Variants in PRDM5 observed in about 807,000 individuals in gnomAD.
PRDM5 encodes PR domain zinc finger protein 5.
Under a neutral mutation model 81.2 loss-of-function variants are expected in PRDM5, and 56 were observed. The observed-to-expected ratio is 0.69, with a 90% CI of 0.56 to 0.86. PRDM5 has a LOEUF of 0.86. Ranked by LOEUF, PRDM5 falls within the 40% of genes least tolerant of loss-of-function variation. The pLI is 0.00. For missense variants in PRDM5, 697 were observed against 770.1 expected (o/e 0.91, Z 1.12); for synonymous variants, 267 against 256.4 (o/e 1.04, Z -0.39).
Position 120,781,320 on chromosome 4 carries a change from A to G in PRDM5, c.1283-17T>C. The stretch of plus-strand genomic sequence containing the variant: ...TCCTCTCACCTTAGAAACAAAGAGA[A>G]ACATTTAAGAAGCAATAGCAGGGTC... On this transcript the variant is annotated splice_polypyrimidine_tract_variant and intron_variant, in intron 11 of 15. Transcript: ENST00000264808. 6.2e-7 allele frequency: 1 copy of G among 1,609,366 alleles called. No homozygotes were observed. The highest frequency in any genetic ancestry group is 8.5e-7 in the Non-Finnish European group (1 of 1,176,382).
At chr4:120,820,119 C>A (rs978086422) in intron 4 of PRDM5, among the ~76,000 whole-genome samples, 16 of 152,278 alleles carry the variant, frequency 1.1e-4, no homozygotes, top group Admixed American at 3.3e-4. Flanking sequence ...AAACTGAAAC[C>A]GCAATGGAAT....
In PRDM5 at chr4:120,885,166, A is replaced by G. The variant is rs1266874656; in HGVS notation, c.177+22308T>C. Among the ~76,000 whole-genome samples, 6 of 148,992 alleles carry G rather than the reference A, an allele frequency of 4.0e-5. No individual in the cohort carries two copies. The South Asian group carries it at 6.3e-4, about 16-fold the overall frequency. On this transcript the variant is annotated intron_variant, in intron 2 of 15. Transcript: ENST00000264808. Reference sequence around the variant, plus strand: ...AAAAAAAAAAAAAAAAGTAAAAAAGAAAAGAAAAGACATACGACACATTAC... The same window carrying G: ...AAAAAAAAAAAAAAAAGTAAAAAAGGAAAGAAAAGACATACGACACATTAC...
chr4:120,860,922 A>G (rs1485725913), intron 2 of PRDM5, among the ~76,000 whole-genome samples: 1 of 152,226 alleles, frequency 6.6e-6, no homozygotes, highest in East Asian at 1.9e-4. Context: ...AAATCCTGTT[A>G]AAGTTTTATG....
At chr4:120,789,836 A>G (rs1018170065) in intron 10 of PRDM5, among the ~76,000 whole-genome samples, 2 of 152,194 alleles carry the variant, frequency 1.3e-5, no homozygotes, top group Admixed American at 1.3e-4. Context: ...CACTCCACAT[A>G]GAGAAGTTAA....
intron 2 of PRDM5, among the ~76,000 whole-genome samples, chr4:120,891,625 T>C (rs1257305520): frequency 6.6e-6 from 1 of 152,122 alleles, no homozygotes; most frequent in Non-Finnish European, 1.5e-5. Context: ...TGATGTTAGG[T>C]TGTTCATTTG....
At chr4:120,751,610 T>C (rs1744016514) in intron 14 of PRDM5, among the ~76,000 whole-genome samples, 2 of 152,108 alleles carry the variant, frequency 1.3e-5, no homozygotes, top group African/African-American at 2.4e-5. Flanking sequence ...CAGTAGAAGC[T>C]GAAAACCAAA....
At chr4:120,736,231 G>A (rs980390389) in intron 14 of PRDM5, among the ~76,000 whole-genome samples, 16 of 151,190 alleles carry the variant, frequency 1.1e-4, no homozygotes, top group African/African-American at 3.4e-4. Flanking sequence ...GTGTGTGTGT[G>A]TGTGTGTGTA....
intron 2 of PRDM5, among the ~76,000 whole-genome samples, chr4:120,883,345 T>C (rs1489039001): frequency 1.3e-5 from 2 of 152,154 alleles, no homozygotes; most frequent in Admixed American, 1.3e-4. Flanking sequence ...TCTAAAAACA[T>C]AGGAAACCTG....
intron 13 of PRDM5, among the ~76,000 whole-genome samples, chr4:120,759,842 C>T (rs1745335940): frequency 6.6e-6 from 1 of 152,126 alleles, no homozygotes. Context: ...ATTAATTAAT[C>T]TGAAAATTAG....
chr4:120,897,003 T>C (rs955637094), intron 2 of PRDM5: 1 of 151,730 alleles, frequency 6.6e-6, no homozygotes, highest in Non-Finnish European at 1.5e-5. Context: ...TTTTTTTTTT[T>C]TTTTCCTCCT....
chr4:120,860,259 G>T (rs867728653), intron 2 of PRDM5, among the ~76,000 whole-genome samples: 1 of 152,146 alleles, frequency 6.6e-6, no homozygotes, highest in Non-Finnish European at 1.5e-5. Context: ...CTCATATAGT[G>T]TGTCTTTTCT....
At chr4:120,809,878 A>T (rs1753582579) in intron 8 of PRDM5, among the ~76,000 whole-genome samples, 1 of 152,190 alleles carries the variant, frequency 6.6e-6, no homozygotes, top group Non-Finnish European at 1.5e-5. Flanking sequence ...AAGACCACTC[A>T]GGAGGCATGA....
intron 2 of PRDM5, among the ~76,000 whole-genome samples, chr4:120,868,592 T>TGA (rs1761454968): frequency 1.3e-5 from 2 of 152,302 alleles, no homozygotes; most frequent in Admixed American, 1.3e-4. Context: ...AGTAGAATGA[T>TGA]GACAGGTCCT....
intron 2 of PRDM5, among the ~76,000 whole-genome samples, chr4:120,872,150 CA>C (rs70948365): frequency 7.5e-3 from 315 of 41,800 alleles, no homozygotes; most frequent in African/African-American, 0.013. Context: ...GACTCCATCT[CA>C]AAAAAAAAAA....
chr4:120,784,529 A>C (rs1019091277), intron 11 of PRDM5, among the ~76,000 whole-genome samples: 4 of 152,220 alleles, frequency 2.6e-5, no homozygotes, highest in Non-Finnish European at 5.9e-5. Flanking sequence ...GAGCCTCAAT[A>C]TTTTGTATCC....
intron 3 of PRDM5, among the ~76,000 whole-genome samples, chr4:120,830,645 T>C (rs1756603350): frequency 6.6e-6 from 1 of 151,918 alleles, no homozygotes; most frequent in African/African-American, 2.4e-5. Flanking sequence ...AGGCAGAAAA[T>C]GACAGATGTA....
downstream of PRDM5, among the ~76,000 whole-genome samples, chr4:120,690,394 G>C (rs538411800): frequency 2.8e-4 from 43 of 152,250 alleles, no homozygotes; most frequent in Middle Eastern, 0.01. Context: ...GAGGCAAGAT[G>C]AGACAGTGAG....
intron 3 of PRDM5, among the ~76,000 whole-genome samples, chr4:120,835,436 T>C (rs751761426): frequency 5.3e-5 from 8 of 152,188 alleles, no homozygotes; most frequent in Non-Finnish European, 1.2e-4. Context: ...AAAGGAGATA[T>C]GGTTTGGTTG....
At chr4:120,744,570 T>G (rs1199610438) in intron 14 of PRDM5, among the ~76,000 whole-genome samples, 1 of 151,896 alleles carries the variant, frequency 6.6e-6, no homozygotes, top group Non-Finnish European at 1.5e-5. Context: ...AAGAATCAAA[T>G]AGACGCAAGA....
Sources: gnomAD v4.1 joint callset for allele counts (sites outside exome capture counted in the v4.1 genomes callset) on GRCh38, gnomAD v4.1.1 for gene constraint, MANE v1.5 for transcripts, NCBI Gene and HGNC (gene_info 2026-07-23, HGNC 2026-07-21) for gene names.